PTPA: variants seen among roughly 807,000 people sequenced by gnomAD.
PTPA encodes protein phosphatase 2 phosphatase activator.
In PTPA, 13 loss-of-function variants were observed where a neutral mutation model predicts 43.6. The ratio of observed to expected loss-of-function variants is 0.30; its 90% CI spans 0.19 to 0.47. The LOEUF (loss-of-function observed/expected upper bound fraction) is 0.47, where lower values mean the gene tolerates loss of function less well. PTPA is among the 20% of genes least tolerant of loss of function. The pLI is 0.99. For missense variants in PTPA, 329 were observed against 411.9 expected (o/e 0.80, Z 1.74); for synonymous variants, 172 against 158.2 (o/e 1.09, Z -0.66).
chr9:129,128,635 G>A (rs924235130), intron 3 of PTPA, among the ~76,000 whole-genome samples: 1 of 152,012 alleles, frequency 6.6e-6, no homozygotes, highest in Non-Finnish European at 1.5e-5. Context: ...TGATGAGTAG[G>A]TATTGCATAC....
intron 9 of PTPA, chr9:129,142,977 AGT>A (rs1851003398): frequency 7.4e-7 from 1 of 1,342,892 alleles, no homozygotes. Flanking sequence ...TTCAAATGTT[AGT>A]GTGTATGATC....
At chr9:129,128,087 A>G in intron 3 of PTPA, 1 of 1,307,326 alleles carries the variant, frequency 7.6e-7, no homozygotes, top group Non-Finnish European at 1.0e-6. Context: ...CATCAGCCCC[A>G]TTTTTTAGAC....
At chr9:129,126,388 C>G (rs912110669) in intron 3 of PTPA, among the ~76,000 whole-genome samples, 4 of 151,762 alleles carry the variant, frequency 2.6e-5, no homozygotes, top group Admixed American at 2.0e-4. Context: ...CCATGTTGGT[C>G]AGGCTGGTCT....
chr9:129,143,769 T>G, intron 9 of PTPA: 2 of 231,144 alleles, frequency 8.7e-6, no homozygotes, highest in Non-Finnish European at 1.8e-5. Flanking sequence ...GCTGCCTAGG[T>G]TCCTTCCGGC....
chr9:129,142,525 G>A lies in PTPA; in HGVS notation c.867G>A (p.Gln289=), dbSNP rs1173707438. Reference sequence around the variant, plus strand: ...TCCCTTCCTGGTCCAAAGTGAACCAGGGTCTCATCCGCATGTATAAGGCCG... The same window carrying A: ...TCCCTTCCTGGTCCAAAGTGAACCAAGGTCTCATCCGCATGTATAAGGCCG... ...SAVPSWSKVN[Q]GLIRMYKAEC... is the part of the protein sequence containing the mutation. Residue 289 remains glutamine, a synonymous_variant, in exon 9 of 10, where the codon CAG becomes CAA. Transcript: ENST00000393370. The A allele has an allele frequency of 1.9e-6, 3 of 1,614,122 alleles. No individual in the cohort carries two copies. Among genetic ancestry groups the A allele is most frequent in the Non-Finnish European group, 2.5e-6 (3 of 1,179,972 alleles).
At chr9:129,144,599 C>T (rs1346590290) in intron 9 of PTPA, among the ~76,000 whole-genome samples, 4 of 151,336 alleles carry the variant, frequency 2.6e-5, no homozygotes, top group African/African-American at 9.7e-5. Context: ...ATTAGCCGGG[C>T]GTGGTGGCGG....
intron 6 of PTPA, among the ~76,000 whole-genome samples, chr9:129,135,977 A>T (rs539048882): frequency 1.3e-5 from 2 of 151,700 alleles, no homozygotes; most frequent in South Asian, 4.2e-4. Flanking sequence ...TTATTTGTTT[A>T]TTTTTTTTGA....
chr9:129,137,065 G>T (rs1043191694), intron 7 of PTPA, among the ~76,000 whole-genome samples: 13 of 152,230 alleles, frequency 8.5e-5, no homozygotes, highest in African/African-American at 2.4e-4. Context: ...GCTCAGAGAG[G>T]CCTGCTCTGG....
chr9:129,143,369 TCTCAGGCTG>T, intron 9 of PTPA: 1 of 703,102 alleles, frequency 1.4e-6, no homozygotes, highest in Non-Finnish European at 2.6e-6. Context: ...TTCTTTCTGT[TCTCAGGCTG>T]GCCCTTGTGA....
chr9:129,111,204 A>G, upstream of PTPA: 1 of 1,121,534 alleles, frequency 8.9e-7, no homozygotes, highest in Non-Finnish European at 1.1e-6. Context: ...ACTGTCCCGG[A>G]AAAACATGGC....
chr9:129,111,121 A>G, upstream of PTPA: 1 of 1,320,572 alleles, frequency 7.6e-7, no homozygotes, highest in South Asian at 1.2e-5. Context: ...TGACCGGGGA[A>G]TGTCCTCTAA....
At chr9:129,139,670 C>G (rs933422210) in intron 8 of PTPA, 3 of 152,252 alleles carry the variant, frequency 2.0e-5, no homozygotes, top group Admixed American at 1.3e-4. Flanking sequence ...TGGCCTAGCT[C>G]ACTGGGGACC....
At chr9:129,142,663 T>C in intron 9 of PTPA, 111 bp downstream of exon 9, 1 of 1,553,892 alleles carries the variant, frequency 6.4e-7, no homozygotes, top group Non-Finnish European at 8.7e-7. Flanking sequence ...TACCCCACTG[T>C]TTTGCTCTGA....
intron 6 of PTPA, 68 bp from the exon 7 acceptor site, chr9:129,136,403 A>C (rs1191875493): frequency 1.3e-6 from 2 of 1,509,058 alleles, no homozygotes; most frequent in Non-Finnish European, 9.0e-7. Context: ...TTGTGCTCCC[A>C]GTGGCCGAAA....
chr9:129,116,228 A>C (rs1224153687), intron 1 of PTPA, among the ~76,000 whole-genome samples: 1 of 147,322 alleles, frequency 6.8e-6, no homozygotes, highest in African/African-American at 2.5e-5. Flanking sequence ...TCTGTTGCCC[A>C]GGCTGGAGTG....
At chr9:129,120,837 C>T (rs185914911) in intron 2 of PTPA, among the ~76,000 whole-genome samples, 4 of 152,244 alleles carry the variant, frequency 2.6e-5, no homozygotes, top group Admixed American at 2.0e-4. Context: ...CAGGGTAGCC[C>T]GGGAGAGTTC....
At chr9:129,111,754 C>T (rs1379507599) in intron 1 of PTPA, 123 bp downstream of exon 1, 22 of 1,237,460 alleles carry the variant, frequency 1.8e-5, no homozygotes, top group Non-Finnish European at 3.0e-6. Context: ...GCTGAGGGGC[C>T]CCGAGGAGGG....
At chr9:129,121,988 C>A (rs549849396) in intron 2 of PTPA, among the ~76,000 whole-genome samples, 91 of 152,082 alleles carry the variant, frequency 6.0e-4, no homozygotes, top group Non-Finnish European at 1.1e-3. Flanking sequence ...CTGTGGACAC[C>A]CCGGCTTGGA....
At chr9:129,121,892 C>T (rs538500728) in intron 2 of PTPA, among the ~76,000 whole-genome samples, 2 of 152,310 alleles carry the variant, frequency 1.3e-5, no homozygotes, top group East Asian at 1.9e-4. Context: ...AGAGGCCTGG[C>T]CTGCTGGGGG....
Sources: gnomAD v4.1 joint callset for allele counts (sites outside exome capture counted in the v4.1 genomes callset) on GRCh38, gnomAD v4.1.1 for gene constraint, MANE v1.5 for transcripts, NCBI Gene and HGNC (gene_info 2026-07-23, HGNC 2026-07-21) for gene names.